Variants in BBS9 observed in about 807,000 individuals in gnomAD.
BBS9 encodes protein PTHB1.
BBS9 carries 89 observed loss-of-function variants against 117.7 expected under a neutral mutation model. The ratio of observed to expected loss-of-function variants is 0.76; its 90% confidence interval spans 0.64 to 0.90. The LOEUF (loss-of-function observed/expected upper bound fraction) is 0.90. Among genes scored for constraint, BBS9 ranks in the 40% least tolerant of loss-of-function variants. BBS9 has a pLI of 0.00. For missense variants in BBS9, 982 were observed against 1,042.2 expected (o/e 0.94, Z 0.80); for synonymous variants, 379 against 370.9 (o/e 1.02, Z -0.25).
At chr7:33,237,249 G>A (rs1451426734) in intron 5 of BBS9, among the ~76,000 whole-genome samples, 1 of 152,072 alleles carries the variant, frequency 6.6e-6, no homozygotes, top group African/African-American at 2.4e-5. Context: ...ACATAAATGA[G>A]GTCACTCTGT....
intron 21 of BBS9, among the ~76,000 whole-genome samples, chr7:33,624,970 T>C (rs1472491047): frequency 6.6e-6 from 1 of 152,160 alleles, no homozygotes; most frequent in African/African-American, 2.4e-5. Context: ...GCCATAATTG[T>C]AGTCCTGAAC....
At chr7:33,383,354 G>T (rs777492446) in intron 17 of BBS9, among the ~76,000 whole-genome samples, 25 of 151,948 alleles carry the variant, frequency 1.6e-4, no homozygotes, top group Non-Finnish European at 2.6e-4. Flanking sequence ...TTAAGTACAG[G>T]CCTTTTTAAA....
rs543927834 is a variant in BBS9, at chr7:33,261,036, C to T, written c.618-3254C>T. 7.2e-5 allele frequency among the ~76,000 whole-genome samples: 11 copies of T among 151,772 alleles called. No homozygotes were observed. In the South Asian group the frequency reaches 1.7e-3, roughly 23 times the overall value. On this transcript the variant is annotated intron_variant, in intron 6 of 22. Transcript: ENST00000242067. Reference sequence around the variant, plus strand: ...GACCAAATGGAAATATTTGTAGTCTCCATATATGTTAAGGGTTTTTCTCTC... The same window carrying T: ...GACCAAATGGAAATATTTGTAGTCTTCATATATGTTAAGGGTTTTTCTCTC...
chr7:33,452,586 C>A (rs1404957520), intron 19 of BBS9, among the ~76,000 whole-genome samples: 1 of 152,138 alleles, frequency 6.6e-6, no homozygotes, highest in East Asian at 1.9e-4. Context: ...GTAATGGACA[C>A]AAAGCTCTGA....
intron 7 of BBS9, among the ~76,000 whole-genome samples, chr7:33,268,350 C>T (rs1422768046): frequency 6.6e-6 from 1 of 152,208 alleles, no homozygotes; most frequent in African/African-American, 2.4e-5. Flanking sequence ...TTAACTCCAA[C>T]TGCTGTGGTT....
chr7:33,483,184 G>C (rs1182291413), intron 19 of BBS9, among the ~76,000 whole-genome samples: 1 of 152,142 alleles, frequency 6.6e-6, no homozygotes, highest in African/African-American at 2.4e-5. Context: ...CCTAGACCTT[G>C]AGCAGAAAAT....
chr7:33,442,475 G>T (rs1046448828), intron 19 of BBS9, among the ~76,000 whole-genome samples: 4 of 152,102 alleles, frequency 2.6e-5, no homozygotes, highest in African/African-American at 4.8e-5. Context: ...GAAGTACTTT[G>T]GAAACATTTC....
intron 9 of BBS9, among the ~76,000 whole-genome samples, chr7:33,319,543 A>G (rs1395978255): frequency 6.6e-6 from 1 of 152,150 alleles, no homozygotes; most frequent in Admixed American, 6.6e-5. Context: ...TTCACCCCGT[A>G]TATGCCAACA....
At chr7:33,187,179 C>T (rs1271809800) in intron 5 of BBS9, among the ~76,000 whole-genome samples, 1 of 152,112 alleles carries the variant, frequency 6.6e-6, no homozygotes, top group Non-Finnish European at 1.5e-5. Context: ...TCACAGAAAG[C>T]CAGTGGTGAA....
At chr7:33,278,573 G>T (rs991351902) in intron 9 of BBS9, among the ~76,000 whole-genome samples, 1 of 152,138 alleles carries the variant, frequency 6.6e-6, no homozygotes, top group Non-Finnish European at 1.5e-5. Context: ...CATATCAGGA[G>T]GTGGCATTGC....
At position 33,351,251 on chromosome 7, in the gene BBS9, GT is replaced by G. The variant is rs1454474832; in HGVS notation, c.1468del (p.Tyr490IlefsTer2). 7 of 1,612,660 alleles carry G rather than the reference GT, an allele frequency of 4.3e-6. No homozygotes were observed. The highest frequency in any genetic ancestry group is 5.9e-6 in the Non-Finnish European group (7 of 1,178,996). On this transcript the variant is annotated frameshift_variant, in exon 14 of 23. Transcript: ENST00000242067. LOFTEE classifies it high-confidence loss of function. Reference protein sequence around the residue: ...PDLTRTVSFSVYLKRSYTPSE... With the variant: ...PDLTRTVSFSXYLKRSYTPSE... ...TTTGACTAGAACAGTAAGCTTTTCT[GT>G]TTATCTGAAAAGAAGTTATACACCA...
chr7:33,587,000 A>G (rs1328849586), intron 21 of BBS9, among the ~76,000 whole-genome samples: 3 of 152,042 alleles, frequency 2.0e-5, no homozygotes, highest in Non-Finnish European at 4.4e-5. Flanking sequence ...AGGATCACAC[A>G]ATATACCCCT....
At chr7:33,468,712 C>T in intron 19 of BBS9, among the ~76,000 whole-genome samples, 1 of 152,174 alleles carries the variant, frequency 6.6e-6, no homozygotes, top group Admixed American at 6.5e-5. Flanking sequence ...TCTCTACCTC[C>T]ATCAGATCAA....
In BBS9 at chr7:33,222,910, G is replaced by A. The variant is rs1023530684; in HGVS notation, c.443-34326G>A. Among the ~76,000 whole-genome samples, 7 of 150,360 alleles carry A rather than the reference G, an allele frequency of 4.7e-5. 1 individual carries two copies. The highest frequency in any genetic ancestry group is 8.9e-5 in the Non-Finnish European group (6 of 67,776). ...AGAGGTTGCAGTGAGCTGAGATCAC[G>A]CCACTGTACTCCAGCCTGGGCAACA... On this transcript the variant is annotated intron_variant, in intron 5 of 22. Transcript: ENST00000242067.
chr7:33,613,130 T>G (rs1428556148), intron 21 of BBS9, among the ~76,000 whole-genome samples: 1 of 152,040 alleles, frequency 6.6e-6, no homozygotes, highest in Non-Finnish European at 1.5e-5. Context: ...AAACTCAACT[T>G]TAGAAGAAAG....
At chr7:33,408,964 G>A (rs1394082818) in intron 19 of BBS9, among the ~76,000 whole-genome samples, 1 of 152,190 alleles carries the variant, frequency 6.6e-6, no homozygotes, top group Non-Finnish European at 1.5e-5. Context: ...GATTAGTGAT[G>A]ATGAACATTT....
At chr7:33,478,950 T>A (rs1292101540) in intron 19 of BBS9, among the ~76,000 whole-genome samples, 1 of 151,734 alleles carries the variant, frequency 6.6e-6, no homozygotes, top group Non-Finnish European at 1.5e-5. Context: ...ATTTGATTGA[T>A]AATGTTACTT....
intron 7 of BBS9, among the ~76,000 whole-genome samples, chr7:33,268,021 A>G (rs966285018): frequency 1.3e-5 from 2 of 152,134 alleles, no homozygotes; most frequent in Non-Finnish European, 2.9e-5. Flanking sequence ...GTTAAGTGGG[A>G]CCAGGGTAGT....
At chr7:33,203,755 C>G (rs1352591807) in intron 5 of BBS9, among the ~76,000 whole-genome samples, 4 of 151,554 alleles carry the variant, frequency 2.6e-5, no homozygotes, top group Non-Finnish European at 2.9e-5. Flanking sequence ...CAGAGTCTTG[C>G]TCTGTCACCC....
Sources: allele counts gnomAD v4.1 joint callset (sites outside exome capture counted in the v4.1 genomes callset), GRCh38; gene constraint gnomAD v4.1.1; transcripts MANE v1.5; gene names NCBI Gene and HGNC (gene_info 2026-07-23, HGNC 2026-07-21).